The following ADCY7 variants were observed in gnomAD, a reference collection of about 807,000 sequenced individuals.
ADCY7 encodes adenylate cyclase type 7.
In ADCY7, 72 loss-of-function variants were observed where a neutral mutation model predicts 120.6. That is an observed-to-expected ratio of 0.60 (90% confidence interval 0.49 to 0.73). The LOEUF (loss-of-function observed/expected upper bound fraction) is 0.73. ADCY7 is among the 30% of genes least tolerant of loss of function. The pLI is 0.00. For synonymous variants in ADCY7, 661 were observed against 628.0 expected, an observed-to-expected ratio of 1.05 and a Z score of -0.78; for missense variants, 1,227 against 1,486.0, an observed-to-expected ratio of 0.83 and a Z score of 2.87.
intron 1 of ADCY7, among the ~76,000 whole-genome samples, chr16:50,285,968 G>T (rs2034555743): frequency 6.6e-6 from 1 of 152,122 alleles, no homozygotes; most frequent in Non-Finnish European, 1.5e-5. Flanking sequence ...CATATGGGCT[G>T]AGCATGGCAA....
At chr16:50,313,438 A>AAC (rs1411384260) in intron 22 of ADCY7, 3,156 of 148,564 alleles carry the variant, frequency 0.021, 38 homozygotes, top group Middle Eastern at 0.041. Flanking sequence ...ACAACAACAA[A>AAC]AAAAAAACGA....
rs181957080 is a variant in ADCY7 at position 50,283,934 on chromosome 16, A to G, written c.-268-3978A>G. Among the ~76,000 whole-genome samples the G allele has an allele frequency of 2.2e-3, 328 of 152,348 alleles. 1 individual carries two copies. Among genetic ancestry groups the G allele is most frequent in the African/African-American group, 7.6e-3 (317 of 41,588 alleles). ...CCGTCATGGAGGTGTGCAAGCTAACAGCAGGGTCATTCAATCCGGGAGCCC... is the reference window on the plus strand; with the variant it reads ...CCGTCATGGAGGTGTGCAAGCTAACGGCAGGGTCATTCAATCCGGGAGCCC... On this transcript the variant is annotated intron_variant, in intron 1 of 25. Coordinates refer to ENST00000673801, the MANE Select transcript of ADCY7 (RefSeq NM_001114.5).
At position 50,312,040 on chromosome 16, in the gene ADCY7, A is replaced by T. The variant is rs757338257; in HGVS notation, c.2453A>T (p.Asp818Val). 6.2e-7 allele frequency: 1 copy of T among 1,614,152 alleles called. No homozygotes were observed. Among genetic ancestry groups the T allele is most frequent in the Admixed American group, 1.7e-5 (1 of 60,028 alleles). The part of the protein sequence containing the change: ...ITLLTLSRQI[D>V]YYCRLDCLWK... ...TTATGTTGCTGCCGTTTGCAGATTG[A>T]CTATTACTGCCGCTTGGACTGCCTA... The change falls in exon 21 of 26, where the codon GAC becomes GTC. Residue 818 changes from aspartate to valine, a missense_variant. This residue lies in a region of ADCY7 where 267 missense variants were observed against 270.0 expected (regional missense o/e 0.99). Transcript: ENST00000673801.
intron 1 of ADCY7, among the ~76,000 whole-genome samples, chr16:50,260,825 C>T (rs1347273194): frequency 1.3e-5 from 2 of 152,176 alleles, no homozygotes; most frequent in Non-Finnish European, 2.9e-5. Flanking sequence ...TGTCTGGCTT[C>T]CCCTAGAGGG....
chr16:50,300,926 TG>T (rs1026683717), intron 9 of ADCY7, 53 bp downstream of exon 9: 2 of 1,529,558 alleles, frequency 1.3e-6, no homozygotes, highest in East Asian at 4.9e-5. Flanking sequence ...TGGCTGTGGA[TG>T]GAGGGTTCTG....
chr16:50,298,738 A>G (rs1048297640), intron 7 of ADCY7, among the ~76,000 whole-genome samples, 166 bp from the exon 8 acceptor site: 4 of 152,072 alleles, frequency 2.6e-5, no homozygotes, highest in Non-Finnish European at 4.4e-5. Flanking sequence ...CCATGTCGCT[A>G]AGCCTTTTGC....
rs2035472764 is a variant in ADCY7, at chr16:50,298,067, A to G, written c.949-837A>G. 2.6e-5 allele frequency among the ~76,000 whole-genome samples: 4 copies of G among 151,452 alleles called. No individual in the cohort carries two copies. In the South Asian group the frequency reaches 8.4e-4, roughly 32 times the overall value. On this transcript the variant is annotated intron_variant, in intron 7 of 25. Transcript: ENST00000673801. ...CCCTTCTCTCCCTGGGCCTTTTCCT[A>G]TGAGTCCCCACCCTCGCCGCTCTCC...
intron 2 of ADCY7, among the ~76,000 whole-genome samples, chr16:50,288,949 G>A (rs1243949779): frequency 6.6e-6 from 1 of 151,622 alleles, no homozygotes; most frequent in African/African-American, 2.4e-5. Flanking sequence ...AAGCATGCAC[G>A]ACCATGCCCA....
At chr16:50,314,700 T>C (rs1476105166) in intron 24 of ADCY7, 16 of 456,188 alleles carry the variant, frequency 3.5e-5, no homozygotes, top group African/African-American at 1.4e-4. Context: ...ACCTAAATAG[T>C]TGCGGGCCTG....
chr16:50,309,664 G>T lies in ADCY7; in HGVS notation c.2160+18G>T, dbSNP rs373901191. 1.9e-6 allele frequency: 3 copies of T among 1,601,094 alleles called. No individual in the cohort carries two copies. Among genetic ancestry groups the T allele is most frequent in the Non-Finnish European group, 2.5e-6 (3 of 1,177,744 alleles). Reference sequence around the variant, plus strand: ...CCCTCCCGGTGAGTGCGCCGGGCCCGGCTCCGTGGCCTCATTCAGAGTGGG... The same window carrying T: ...CCCTCCCGGTGAGTGCGCCGGGCCCTGCTCCGTGGCCTCATTCAGAGTGGG... On this transcript the variant is annotated intron_variant, in intron 18 of 25. Coordinates refer to ENST00000673801, the MANE Select transcript of ADCY7 (RefSeq NM_001114.5).
At chr16:50,278,150 G>C (rs556697048) in intron 1 of ADCY7, among the ~76,000 whole-genome samples, 11 of 150,506 alleles carry the variant, frequency 7.3e-5, no homozygotes, top group Non-Finnish European at 1.6e-4. Flanking sequence ...AGCGATTCTC[G>C]TGCCCCAGCC....
chr16:50,309,885 A>C (rs1050253070), intron 18 of ADCY7, among the ~76,000 whole-genome samples: 4 of 152,194 alleles, frequency 2.6e-5, no homozygotes, highest in African/African-American at 9.6e-5. Flanking sequence ...GTGGGTAGGC[A>C]GGGAGTGAGG....
chr16:50,314,941 C>T, intron 24 of ADCY7, 73 bp from the exon 25 acceptor site: 1 of 1,582,590 alleles, frequency 6.3e-7, no homozygotes. Flanking sequence ...GGTATGGATT[C>T]TCTGGCCTCC....
Position 50,294,748 on chromosome 16 carries a change from C to G in ADCY7, c.945C>G (p.Ala315=), listed in dbSNP as rs1269324031. The part of the protein sequence containing the change: ...NELFGKFDQI[A]KANECMRIKI... ...TCTTTGGCAAGTTCGACCAGATCGC[C>G]AAGGTGAGCCCGCTGGCCTACAATG... Residue 315 remains alanine (A), a synonymous_variant, in exon 7 of 26, where the codon GCC becomes GCG. Transcript: ENST00000673801. 6.2e-7 allele frequency: 1 copy of G among 1,611,742 alleles called. No homozygotes were observed. Among genetic ancestry groups the G allele is most frequent in the African/African-American group, 1.3e-5 (1 of 74,904 alleles).
In ADCY7 at chr16:50,317,967, G is replaced by C. The variant is rs940259383; in HGVS notation, c.*2462G>C. 1.3e-5 allele frequency: 2 copies of C among 152,314 alleles called. No individual in the cohort carries two copies. The highest frequency in any genetic ancestry group is 2.9e-5 in the Non-Finnish European group (2 of 68,038). 9.4% of individuals were successfully genotyped at this position (152,314 alleles called of 1,614,324 possible). A position where few individuals can be genotyped will look rare whatever the true frequency, so the allele number is the denominator to read the frequency against. On this transcript the variant is annotated 3_prime_UTR_variant, in exon 26 of 26. Transcript: ENST00000673801. ...TATACTTTGTGTATATAATAGGTCA[G>C]TGTAAAGAAATATGATTTGAGGTGG...
chr16:50,305,456 T>G (rs754333656), intron 12 of ADCY7, 47 bp from the exon 13 acceptor site: 1 of 1,536,466 alleles, frequency 6.5e-7, no homozygotes. Flanking sequence ...TCTGGGAGAG[T>G]TGGAGGTGGT....
rs1163030927 is a variant in ADCY7 at position 50,304,944 on chromosome 16, G to A, written c.1580G>A (p.Arg527His). The change falls in exon 12 of 26, where the codon CGC becomes CAC. Residue 527 changes from arginine to histidine, a missense_variant. Arg to His is a conservative substitution (Grantham distance 29). Around this residue, in one of 5 missense-constraint regions of ADCY7, gnomAD observed 332 missense variants for 455.8 expected, o/e 0.73. Coordinates refer to ENST00000673801, the MANE Select transcript of ADCY7 (RefSeq NM_001114.5). ...TTTCAGAGCGTTCCCCAGCGCCACC[G>A]CCGGACCCCAGACAGGTGCGTGCCC... ...RRPKSVPQRH[R>H]RTPDRSMSPK... 3.7e-6 allele frequency: 6 copies of A among 1,613,458 alleles called. No individual in the cohort carries two copies. Among genetic ancestry groups the A allele is most frequent in the East Asian group, 2.2e-5 (1 of 44,884 alleles).
intron 1 of ADCY7, among the ~76,000 whole-genome samples, chr16:50,271,644 T>C (rs966718592): frequency 6.6e-6 from 1 of 152,150 alleles, no homozygotes; most frequent in Non-Finnish European, 1.5e-5. Context: ...GTCACCGTTA[T>C]CCACTCTGGG....
chr16:50,286,223 T>C (rs2034570445), intron 1 of ADCY7, among the ~76,000 whole-genome samples: 1 of 150,866 alleles, frequency 6.6e-6, no homozygotes, highest in South Asian at 2.1e-4. Context: ...CAAAACCCCA[T>C]CTCTACAAAA....
Sources: allele counts gnomAD v4.1 joint callset (sites outside exome capture counted in the v4.1 genomes callset), GRCh38; gene constraint gnomAD v4.1.1; regional missense constraint gnomAD v4.1.1; transcripts MANE v1.5; gene names NCBI Gene and HGNC (gene_info 2026-07-23, HGNC 2026-07-21).